The following BCL11A variants were observed in gnomAD, a reference collection of about 807,000 sequenced individuals.
BCL11A encodes the protein BCL11 transcription factor A.
A neutral mutation model predicts 55.9 loss-of-function variants in BCL11A; 2 were observed. The ratio of observed to expected loss-of-function variants is 0.04; its 90% CI spans 0.01 to 0.11. BCL11A has a LOEUF of 0.11. Ranked by LOEUF, BCL11A falls within the 10% of genes least tolerant of loss-of-function variation. BCL11A has a pLI of 1.00. For synonymous variants in BCL11A, 465 were observed against 473.4 expected, an observed-to-expected ratio of 0.98 and a Z score of 0.23; for missense variants, 817 against 1,137.1, an observed-to-expected ratio of 0.72 and a Z score of 4.05.
chr2:60,518,056 C>CTTGAAGAT (rs1462069528), intron 2 of BCL11A, among the ~76,000 whole-genome samples: 4 of 152,236 alleles, frequency 2.6e-5, no homozygotes, highest in Admixed American at 2.6e-4. Flanking sequence ...ATTTGGAAGG[C>CTTGAAGAT]CACAGAGGGA....
chr2:60,535,624 C>T (rs1452971074), intron 2 of BCL11A: 1 of 152,208 alleles, frequency 6.6e-6, no homozygotes, highest in Non-Finnish European at 1.5e-5. Flanking sequence ...CTTGGAGTGG[C>T]ATTAATTTTA....
At chr2:60,543,756 T>C (rs1049601597) in intron 2 of BCL11A, 1 of 152,250 alleles carries the variant, frequency 6.6e-6, no homozygotes, top group South Asian at 2.1e-4. Flanking sequence ...TAATTATTCA[T>C]GCACGAAAGG....
chr2:60,473,654 T>C (rs538874411), intron 2 of BCL11A, among the ~76,000 whole-genome samples: 313 of 152,358 alleles, frequency 2.1e-3, no homozygotes, highest in African/African-American at 7.2e-3. Context: ...CAGCCGCATC[T>C]AGCTCTTGAC....
At chr2:60,467,766 TGGTGGA>T (rs2103958370) in intron 3 of BCL11A, among the ~76,000 whole-genome samples, 1 of 100,676 alleles carries the variant, frequency 9.9e-6, no homozygotes. Context: ...GTAATGGTGG[TGGTGGA>T]GATGGTGGTG....
intron 2 of BCL11A, among the ~76,000 whole-genome samples, chr2:60,538,735 CTCTCTGTGTGTG>C (rs1553350850): frequency 0.014 from 976 of 69,288 alleles, 6 homozygotes; most frequent in Middle Eastern, 0.082. Context: ...CTCTCTCTCT[CTCTCTGTGTGTG>C]TGTGTGTGTG....
chr2:60,537,210 GATTT>G (rs1161247220), intron 2 of BCL11A: 1 of 152,072 alleles, frequency 6.6e-6, no homozygotes, highest in Non-Finnish European at 1.5e-5. Flanking sequence ...AGAAGGTTAC[GATTT>G]ATTATTAAAA....
In BCL11A at chr2:60,553,291, G is replaced by A; in HGVS notation, c.-21C>T. 1 of 1,498,598 alleles carries A rather than the reference G, an allele frequency of 6.7e-7. No homozygotes were observed. Among genetic ancestry groups the A allele is most frequent in the Non-Finnish European group, 8.9e-7 (1 of 1,127,260 alleles). The allele number at this position is 1,498,598 out of a possible 1,614,324, so 92.8% of individuals were successfully genotyped here. ...GACATGGTGGGCTGCGGGGCGGGCG[G>A]CGGCGGCGGCGGCGGCGGCGGCGGG... On this transcript the variant is annotated 5_prime_UTR_variant, in exon 1 of 4. Transcript: ENST00000642384.
chr2:60,507,604 A>T (rs997420731), intron 2 of BCL11A, among the ~76,000 whole-genome samples: 1 of 152,154 alleles, frequency 6.6e-6, no homozygotes, highest in Admixed American at 6.5e-5. Context: ...TCAACAGCTC[A>T]CTGCATAACA....
chr2:60,507,078 G>A (rs888206728), intron 2 of BCL11A, among the ~76,000 whole-genome samples: 1 of 151,880 alleles, frequency 6.6e-6, no homozygotes, highest in South Asian at 2.1e-4. Flanking sequence ...TCTAATTTTT[G>A]TTCTGAAATA....
chr2:60,484,291 A>G (rs1678140311), intron 2 of BCL11A: 1 of 152,338 alleles, frequency 6.6e-6, no homozygotes, highest in Admixed American at 6.5e-5. Context: ...CTGCACTCAC[A>G]TTCAGCTGAA....
chr2:60,553,783 G>A (rs1189884714), upstream of BCL11A: 1 of 149,386 alleles, frequency 6.7e-6, no homozygotes, highest in Non-Finnish European at 1.5e-5. Flanking sequence ...GTGCGGGGAG[G>A]GGGAGGTGCG....
chr2:60,548,976 A>AC (rs908548324), intron 1 of BCL11A, among the ~76,000 whole-genome samples: 24 of 151,912 alleles, frequency 1.6e-4, no homozygotes, highest in Non-Finnish European at 8.8e-5. Flanking sequence ...TCAGCCATTT[A>AC]CCCCCTCCCT....
At position 60,461,274 on chromosome 2, in the gene BCL11A, G is replaced by C. The variant is rs1342514327; in HGVS notation, c.1638C>G (p.Val546=). Residue 546 remains valine, a synonymous_variant, in exon 4 of 4, where the codon GTC becomes GTG. Transcript: ENST00000642384. ...VGDESRALPD[V]MQGMVLSSMQ... ...TGGAGCTGAGCACCATGCCCTGCAT[G>C]ACGTCGGGCAGGGCGCGGCTCTCGT... The C allele has an allele frequency of 1.2e-6, 2 of 1,606,320 alleles. No individual in the cohort carries two copies. The highest frequency in any genetic ancestry group is 1.7e-6 in the Non-Finnish European group (2 of 1,179,550).
chr2:60,472,459 A>C (rs1266122724), intron 2 of BCL11A, among the ~76,000 whole-genome samples: 1 of 152,224 alleles, frequency 6.6e-6, no homozygotes, highest in Non-Finnish European at 1.5e-5. Context: ...CTCTAGACCC[A>C]GTATTTCCAC....
Position 60,546,585 on chromosome 2 carries a change from C to G in BCL11A, c.56-285G>C, listed in dbSNP as rs1355866244. On this transcript the variant is annotated intron_variant, in intron 1 of 3. Transcript: ENST00000642384. The surrounding 1 kb of genome is among the most constrained non-coding windows in gnomAD (Gnocchi z 4.1). Reference sequence around the variant, plus strand: ...CACACACATATACCCATGCACACACCCACAGCAACAAATGTGTCTGGTTTG... The same window carrying G: ...CACACACATATACCCATGCACACACGCACAGCAACAAATGTGTCTGGTTTG... 6.6e-6 allele frequency among the ~76,000 whole-genome samples: 1 copy of G among 151,922 alleles called. No homozygotes were observed. The highest frequency in any genetic ancestry group is 6.6e-5 in the Admixed American group (1 of 15,258).
intron 2 of BCL11A, among the ~76,000 whole-genome samples, chr2:60,489,550 C>T (rs1678497486): frequency 6.6e-6 from 1 of 152,206 alleles, no homozygotes; most frequent in Admixed American, 6.5e-5. Flanking sequence ...CTTGTTTGAC[C>T]AGCACCTATC....
intron 2 of BCL11A, chr2:60,526,030 T>A (rs549451178): frequency 6.6e-6 from 1 of 152,216 alleles, no homozygotes; most frequent in Non-Finnish European, 1.5e-5. Context: ...TGGTAGAGGA[T>A]GGCAGCAGGG....
At chr2:60,481,024 C>A (rs1677921066) in intron 2 of BCL11A, among the ~76,000 whole-genome samples, 1 of 152,158 alleles carries the variant, frequency 6.6e-6, no homozygotes, top group Admixed American at 6.5e-5. Flanking sequence ...GGCTGGAAGC[C>A]CCCAGCTGCC....
intron 2 of BCL11A, among the ~76,000 whole-genome samples, chr2:60,502,878 A>T (rs1052301591): frequency 2.6e-5 from 4 of 152,186 alleles, no homozygotes; most frequent in Non-Finnish European, 5.9e-5. Context: ...AGTGGGTAAA[A>T]TGAGCTGGGG....
Sources: allele counts gnomAD v4.1 joint callset (sites outside exome capture counted in the v4.1 genomes callset), GRCh38; gene constraint gnomAD v4.1.1; non-coding constraint Gnocchi (gnomAD v3.1); transcripts MANE v1.5; gene names NCBI Gene and HGNC (gene_info 2026-07-23, HGNC 2026-07-21).